Variants in LAMA2 observed in about 807,000 individuals in gnomAD.
The protein encoded by LAMA2 is laminin subunit alpha-2.
A neutral mutation model predicts 364.8 loss-of-function variants in LAMA2; 269 were observed. The ratio of observed to expected loss-of-function variants is 0.74; its 90% CI spans 0.67 to 0.82. The LOEUF is 0.82. Ranked by LOEUF, LAMA2 falls within the 40% of genes least tolerant of loss-of-function variation. The probability of loss-of-function intolerance (pLI) is 0.00; values close to 1 mark genes in which losing one functional copy is unlikely to be tolerated. For missense variants in LAMA2, 3,807 were observed against 3,873.2 expected, an observed-to-expected ratio of 0.98 and a Z score of 0.45; for synonymous variants, 1,379 against 1,370.6, an observed-to-expected ratio of 1.01 and a Z score of -0.14.
chr6:129,505,325 C>CATCA lies in LAMA2; in HGVS notation c.8675_8678dup (p.Tyr2894GlnfsTer13), dbSNP rs1343058701. Reference sequence around the variant, plus strand: ...GAATGCTGTATGTTGGTGGGTTACCCATCAACTACACTACCCGAAGAATTG... The same window carrying CATCA: ...GAATGCTGTATGTTGGTGGGTTACCCATCAATCAACTACACTACCCGAAGAATTG... On this transcript the variant is annotated frameshift_variant, in exon 61 of 65. Coordinates refer to ENST00000421865, the MANE Select transcript of LAMA2 (RefSeq NM_000426.4). LOFTEE classifies it high-confidence loss of function. 6.2e-7 allele frequency: 1 copy of CATCA among 1,613,824 alleles called. No homozygotes were observed.
At chr6:129,388,255 CA>C (rs71028157) in intron 35 of LAMA2, among the ~76,000 whole-genome samples, 29 of 138,436 alleles carry the variant, frequency 2.1e-4, no homozygotes, top group Middle Eastern at 3.7e-3. Flanking sequence ...GACTCCATCT[CA>C]AAAAAAAAAA....
At chr6:128,919,327 T>C (rs1283898305) in intron 1 of LAMA2, among the ~76,000 whole-genome samples, 1 of 152,222 alleles carries the variant, frequency 6.6e-6, no homozygotes. Flanking sequence ...CTTTAATGTA[T>C]AACTTACGTC....
At chr6:128,928,755 A>C (rs201204464) in intron 1 of LAMA2, among the ~76,000 whole-genome samples, 1 of 152,256 alleles carries the variant, frequency 6.6e-6, no homozygotes, top group African/African-American at 2.4e-5. Flanking sequence ...AGCCAAGTCC[A>C]TACATTTGAT....
intron 29 of LAMA2, among the ~76,000 whole-genome samples, chr6:129,338,107 G>A (rs1371944999): frequency 1.3e-5 from 2 of 152,106 alleles, no homozygotes; most frequent in Non-Finnish European, 2.9e-5. Context: ...AAGAAATTAT[G>A]TAGACTTACA....
intron 12 of LAMA2, among the ~76,000 whole-genome samples, chr6:129,244,031 C>T (rs1785573363): frequency 1.3e-5 from 2 of 151,950 alleles, no homozygotes; most frequent in South Asian, 4.2e-4. Flanking sequence ...TTATTTATAT[C>T]CCCTGGACTG....
chr6:129,342,215 G>T (rs762036835), intron 29 of LAMA2, 128 bp from the exon 30 acceptor site: 1 of 743,292 alleles, frequency 1.3e-6, no homozygotes, highest in Non-Finnish European at 2.3e-6. Flanking sequence ...AAGTGTGTGT[G>T]TGAGTGTGTG....
chr6:129,224,757 T>G (rs1784130721), intron 12 of LAMA2, among the ~76,000 whole-genome samples: 1 of 152,226 alleles, frequency 6.6e-6, no homozygotes, highest in Non-Finnish European at 1.5e-5. Flanking sequence ...TGAGGATTTT[T>G]GCATTGATGT....
intron 1 of LAMA2, among the ~76,000 whole-genome samples, chr6:128,922,036 C>T (rs531866853): frequency 6.6e-6 from 1 of 152,208 alleles, no homozygotes; most frequent in South Asian, 2.1e-4. Context: ...AGCACATGAA[C>T]TCATCATTTT....
intron 1 of LAMA2, among the ~76,000 whole-genome samples, chr6:128,890,542 T>TACACACACACACACACACACACACAC (rs56972149): frequency 6.8e-6 from 1 of 147,338 alleles, no homozygotes; most frequent in African/African-American, 2.5e-5. Context: ...TTCATTTAAA[T>TACACACACACACACACACACACACAC]ACACACACAC....
chr6:129,312,039 T>G (rs1238673545), intron 22 of LAMA2, among the ~76,000 whole-genome samples: 1 of 151,766 alleles, frequency 6.6e-6, no homozygotes, highest in Non-Finnish European at 1.5e-5. Context: ...AAAAGAAAAT[T>G]GATTAATTAG....
At chr6:128,938,285 T>C (rs1305204804) in intron 1 of LAMA2, among the ~76,000 whole-genome samples, 6 of 152,120 alleles carry the variant, frequency 3.9e-5, no homozygotes, top group Non-Finnish European at 8.8e-5. Flanking sequence ...TGAAATGAAA[T>C]AGTCAGTAGA....
At chr6:129,098,105 T>C (rs752697557) in intron 3 of LAMA2, 68 bp from the exon 4 acceptor site, 7 of 1,490,578 alleles carry the variant, frequency 4.7e-6, no homozygotes, top group Non-Finnish European at 6.6e-6. Flanking sequence ...CATTTAGACT[T>C]ATATTTGACA....
chr6:129,070,536 G>C (rs903999488), intron 3 of LAMA2, among the ~76,000 whole-genome samples: 6 of 148,668 alleles, frequency 4.0e-5, no homozygotes, highest in Non-Finnish European at 7.4e-5. Context: ...AAACTCTTTT[G>C]TAACAGCTTC....
intron 12 of LAMA2, among the ~76,000 whole-genome samples, chr6:129,199,562 T>C (rs898909597): frequency 2.0e-5 from 3 of 152,072 alleles, no homozygotes; most frequent in African/African-American, 7.2e-5. Flanking sequence ...ATAGATGATA[T>C]ACTTATCTGC....
rs750866614 is a variant in LAMA2, at chr6:129,445,742, A to G, written c.6350A>G (p.Lys2117Arg). ...CTAATAGATAAACTCAAACCCATCA[A>G]GGAACTTGAGGATAACCTAAAGAAA... ...DRLIDKLKPI[K>R]ELEDNLKKNI... The change falls in exon 45 of 65, where the codon AAG becomes AGG. Residue 2117 changes from lysine (K) to arginine (R), a missense_variant. Lys to Arg is a conservative substitution (Grantham distance 26). Transcript: ENST00000421865. 5.8e-5 allele frequency: 94 copies of G among 1,613,682 alleles called. 2 individuals carry two copies. The South Asian group carries it at 9.8e-4, about 17-fold the overall frequency.
intron 1 of LAMA2, among the ~76,000 whole-genome samples, chr6:128,969,177 G>A (rs1431690995): frequency 6.6e-6 from 1 of 152,126 alleles, no homozygotes; most frequent in Admixed American, 6.5e-5. Context: ...TAATATAACA[G>A]GAGGGAAGAT....
chr6:129,228,119 C>G (rs1177817429), intron 12 of LAMA2, among the ~76,000 whole-genome samples: 4 of 152,198 alleles, frequency 2.6e-5, no homozygotes, highest in East Asian at 1.9e-4. Context: ...AGGCATGGGA[C>G]CCTCCGAGCC....
At chr6:129,242,763 C>G (rs1785481946) in intron 12 of LAMA2, among the ~76,000 whole-genome samples, 1 of 152,064 alleles carries the variant, frequency 6.6e-6, no homozygotes, top group Admixed American at 6.6e-5. Flanking sequence ...CAGCACGAAG[C>G]ACTTCAGAGA....
chr6:128,962,888 A>C (rs1348344450), intron 1 of LAMA2, among the ~76,000 whole-genome samples: 15 of 152,234 alleles, frequency 9.9e-5, no homozygotes, highest in Non-Finnish European at 2.9e-5. Context: ...AAGGCAAAGG[A>C]AAAGTTTGTC....
Sources: allele counts gnomAD v4.1 joint callset (sites outside exome capture counted in the v4.1 genomes callset), GRCh38; gene constraint gnomAD v4.1.1; transcripts MANE v1.5; gene names NCBI Gene and HGNC (gene_info 2026-07-23, HGNC 2026-07-21).